MCTP1: variants seen among roughly 807,000 people sequenced by gnomAD.
MCTP1 encodes multiple C2 and transmembrane domain-containing protein 1.
MCTP1 carries 69 observed loss-of-function variants against 120.6 expected under a neutral mutation model. That is an observed-to-expected ratio of 0.57 (90% CI 0.47 to 0.70). The LOEUF is 0.70. Ranked by LOEUF, MCTP1 falls within the 30% of genes least tolerant of loss-of-function variation. The pLI is 0.00. For synonymous variants in MCTP1, 529 were observed against 493.1 expected (o/e 1.07, Z -0.96); for missense variants, 1,203 against 1,248.8 (o/e 0.96, Z 0.55).
At chr5:95,153,152 G>C (rs1744721091) in intron 1 of MCTP1, among the ~76,000 whole-genome samples, 1 of 152,064 alleles carries the variant, frequency 6.6e-6, no homozygotes, top group African/African-American at 2.4e-5. Flanking sequence ...GAGGTCACTG[G>C]ATCATGGGGG....
chr5:95,231,722 T>C (rs996548109), intron 1 of MCTP1, among the ~76,000 whole-genome samples: 3 of 152,200 alleles, frequency 2.0e-5, no homozygotes, highest in African/African-American at 7.2e-5. Context: ...TTATTATTTA[T>C]ATATCTTTCA....
chr5:95,117,141 A>T (rs1250117258), intron 1 of MCTP1, among the ~76,000 whole-genome samples: 1 of 152,158 alleles, frequency 6.6e-6, no homozygotes, highest in Non-Finnish European at 1.5e-5. Context: ...ATGAAAAAAA[A>T]GCTCTTTGGG....
chr5:94,776,748 T>C (rs1176230540), intron 19 of MCTP1, among the ~76,000 whole-genome samples: 1 of 152,152 alleles, frequency 6.6e-6, no homozygotes, highest in African/African-American at 2.4e-5. Flanking sequence ...CCATTACCCA[T>C]GACTGTGTAC....
chr5:94,775,440 T>C (rs1775084529), intron 19 of MCTP1, among the ~76,000 whole-genome samples: 1 of 152,168 alleles, frequency 6.6e-6, no homozygotes. Context: ...AAAAACACCA[T>C]TATATGGCTT....
intron 1 of MCTP1, among the ~76,000 whole-genome samples, chr5:95,024,739 C>T (rs1052879828): frequency 2.0e-5 from 3 of 151,600 alleles, no homozygotes; most frequent in Admixed American, 1.3e-4. Flanking sequence ...TTGCAGGAGA[C>T]AAAATCAACT....
At chr5:95,205,710 A>T (rs1171275007) in intron 1 of MCTP1, among the ~76,000 whole-genome samples, 1 of 152,198 alleles carries the variant, frequency 6.6e-6, no homozygotes, top group Non-Finnish European at 1.5e-5. Context: ...GAGCCAATTT[A>T]AAAATGGGCA....
chr5:95,060,473 A>C (rs541263042), intron 1 of MCTP1, among the ~76,000 whole-genome samples: 1 of 152,242 alleles, frequency 6.6e-6, no homozygotes, highest in African/African-American at 2.4e-5. Flanking sequence ...CTTGCAGAGC[A>C]TAATTTACTT....
intron 1 of MCTP1, among the ~76,000 whole-genome samples, chr5:95,252,006 A>G (rs1308472168): frequency 6.6e-6 from 1 of 152,202 alleles, no homozygotes; most frequent in African/African-American, 2.4e-5. Context: ...GCATCAAAGC[A>G]GAATATCATA....
chr5:94,723,017 A>C (rs999593535), intron 19 of MCTP1, among the ~76,000 whole-genome samples: 2 of 152,198 alleles, frequency 1.3e-5, no homozygotes, highest in Non-Finnish European at 2.9e-5. Flanking sequence ...AGGCACAAAA[A>C]GAAGTGATCA....
chr5:94,987,338 G>A (rs1830604525), intron 2 of MCTP1, among the ~76,000 whole-genome samples: 1 of 152,160 alleles, frequency 6.6e-6, no homozygotes, highest in Non-Finnish European at 1.5e-5. Context: ...AGAGCTCCAG[G>A]TGTGCAGGGT....
chr5:95,131,562 T>C (rs1759046051), intron 1 of MCTP1, among the ~76,000 whole-genome samples: 1 of 152,250 alleles, frequency 6.6e-6, no homozygotes, highest in South Asian at 2.1e-4. Flanking sequence ...ATAAGTCTGG[T>C]ACATTTCTTA....
intron 11 of MCTP1, among the ~76,000 whole-genome samples, chr5:94,890,637 CA>C (rs1561811120): frequency 6.6e-6 from 1 of 152,062 alleles, no homozygotes; most frequent in Admixed American, 6.6e-5. Context: ...ATTGAAACTT[CA>C]ATAGAAAAAA....
chr5:95,081,497 G>A (rs1475263490), intron 1 of MCTP1: 4 of 1,606,830 alleles, frequency 2.5e-6, no homozygotes, highest in Non-Finnish European at 3.4e-6. Flanking sequence ...GATTAGAAAT[G>A]AACAAAACAT....
At chr5:95,189,843 G>T (rs574291242) in intron 1 of MCTP1, among the ~76,000 whole-genome samples, 15 of 152,216 alleles carry the variant, frequency 9.9e-5, no homozygotes, top group African/African-American at 3.6e-4. Context: ...AACAAAAGGG[G>T]TCTGTTGGTT....
At chr5:95,131,739 C>A (rs1759062542) in intron 1 of MCTP1, among the ~76,000 whole-genome samples, 1 of 152,064 alleles carries the variant, frequency 6.6e-6, no homozygotes, top group Non-Finnish European at 1.5e-5. Context: ...TTCCTTGATC[C>A]ATCCCAAGCA....
intron 1 of MCTP1, among the ~76,000 whole-genome samples, chr5:95,267,817 T>G (rs1759027402): frequency 6.6e-6 from 1 of 152,186 alleles, no homozygotes; most frequent in African/African-American, 2.4e-5. Context: ...TCCCTGCCAC[T>G]AATCCCAGAC....
At chr5:95,163,762 T>C (rs1360978037) in intron 1 of MCTP1, among the ~76,000 whole-genome samples, 1 of 152,196 alleles carries the variant, frequency 6.6e-6, no homozygotes, top group Non-Finnish European at 1.5e-5. Context: ...AGGAATTCTC[T>C]GTAACACTAA....
chr5:94,739,308 C>G (rs1764979207), intron 19 of MCTP1: 1 of 152,202 alleles, frequency 6.6e-6, no homozygotes, highest in South Asian at 2.1e-4. Context: ...GTTCGATCAA[C>G]AGGGCATAGG....
chr5:94,813,359 A>G (rs767346965), intron 17 of MCTP1, among the ~76,000 whole-genome samples: 1 of 152,226 alleles, frequency 6.6e-6, no homozygotes, highest in Non-Finnish European at 1.5e-5. Context: ...CTCGTATGTC[A>G]TTGGTAGGAA....
Sources: allele counts gnomAD v4.1 joint callset (sites outside exome capture counted in the v4.1 genomes callset), GRCh38; gene constraint gnomAD v4.1.1; transcripts MANE v1.5; gene names NCBI Gene and HGNC (gene_info 2026-07-23, HGNC 2026-07-21).